The following NUP98 variants were observed in gnomAD, a reference collection of about 807,000 sequenced individuals.
NUP98 encodes the protein nuclear pore complex protein Nup98-Nup96.
In NUP98, 26 loss-of-function variants were observed where a neutral mutation model predicts 191.9. The observed-to-expected ratio is 0.14, with a 90% CI of 0.10 to 0.19. NUP98 has a LOEUF of 0.19. NUP98 is among the 10% of genes least tolerant of loss of function. NUP98 has a pLI of 1.00. For synonymous variants in NUP98, 808 were observed against 778.4 expected (o/e 1.04, Z -0.63); for missense variants, 1,941 against 2,178.8 (o/e 0.89, Z 2.17).
chr11:3,754,833 T>C (rs1421395849), intron 10 of NUP98, among the ~76,000 whole-genome samples: 1 of 150,790 alleles, frequency 6.6e-6, no homozygotes, highest in African/African-American at 2.4e-5. Flanking sequence ...TCCCAACCAC[T>C]TGGGAGGCTG....
chr11:3,745,727 A>G lies in NUP98; in HGVS notation c.1268-1078T>C, dbSNP rs750643201. Reference sequence around the variant, plus strand: ...CCTTAGCCTCTGAGTAGCTGGAACTACAGGCATGCATCACCATGCATGGCT... The same window carrying G: ...CCTTAGCCTCTGAGTAGCTGGAACTGCAGGCATGCATCACCATGCATGGCT... On this transcript the variant is annotated intron_variant, in intron 11 of 32. Coordinates refer to ENST00000324932, the MANE Select transcript of NUP98 (RefSeq NM_016320.5). 3.9e-5 allele frequency among the ~76,000 whole-genome samples: 6 copies of G among 152,292 alleles called. No individual in the cohort carries two copies. In the South Asian group the frequency reaches 1.2e-3, roughly 32 times the overall value.
At chr11:3,772,051 A>G (rs2081548949) in intron 6 of NUP98, 123 bp from the exon 7 acceptor site, 2 of 741,964 alleles carry the variant, frequency 2.7e-6, no homozygotes, top group African/African-American at 3.5e-5. Context: ...ACTAAAAAAG[A>G]GAAAACTAAG....
intron 1 of NUP98, among the ~76,000 whole-genome samples, chr11:3,794,309 C>CTGTTT (rs1053140365): frequency 3.3e-5 from 5 of 151,950 alleles, no homozygotes; most frequent in African/African-American, 7.2e-5. Flanking sequence ...CTAATACATA[C>CTGTTT]TGTTTTGTTT....
At chr11:3,712,421 T>A in intron 20 of NUP98, 143 bp downstream of exon 20, 1 of 1,456,932 alleles carries the variant, frequency 6.9e-7, no homozygotes, top group South Asian at 1.5e-5. Flanking sequence ...ACGCCCTCCC[T>A]TGCACTTGTT....
chr11:3,764,739 C>T (rs1370105508), intron 8 of NUP98, among the ~76,000 whole-genome samples: 3 of 152,188 alleles, frequency 2.0e-5, no homozygotes, highest in Admixed American at 6.5e-5. Context: ...CCACCATGCC[C>T]GGCTAATTTT....
At chr11:3,753,521 T>C in intron 10 of NUP98, 113 bp from the exon 11 acceptor site, 1 of 721,934 alleles carries the variant, frequency 1.4e-6, no homozygotes, top group Non-Finnish European at 2.3e-6. Context: ...TTTCAGTTAA[T>C]ATTTAGGACT....
intron 4 of NUP98, among the ~76,000 whole-genome samples, 180 bp from the exon 5 acceptor site, chr11:3,776,201 A>G (rs1038104389): frequency 6.7e-6 from 1 of 148,880 alleles, no homozygotes; most frequent in Admixed American, 6.8e-5. Flanking sequence ...AGCTCACTGC[A>G]GCCTTGACCT....
Position 3,676,271 on chromosome 11 carries a change from C to T in NUP98, c.5291G>A (p.Arg1764His), listed in dbSNP as rs760987819. Residue 1764 changes from arginine to histidine, a missense_variant, in exon 33 of 33, where the codon CGC becomes CAC. Coordinates refer to ENST00000324932, the MANE Select transcript of NUP98 (RefSeq NM_016320.5). ...CCGGCCAATGTGGGGAGCCAAGAGG[C>T]GCAAAGGGACTCGCTGAGGGTCTGG... Reference protein sequence around the residue: ...STPDPQRVPLRLLAPHIGRLP... With the variant: ...STPDPQRVPLHLLAPHIGRLP... The T allele has an allele frequency of 2.6e-5, 42 of 1,614,082 alleles. No homozygotes were observed. The highest frequency in any genetic ancestry group is 3.5e-5 in the Non-Finnish European group (41 of 1,180,034).
chr11:3,710,544 C>G (rs1277287787), intron 20 of NUP98, among the ~76,000 whole-genome samples: 1 of 152,048 alleles, frequency 6.6e-6, no homozygotes, highest in African/African-American at 2.4e-5. Flanking sequence ...CCTCTCTCCC[C>G]CAAGAAAAAA....
chr11:3,685,931 A>G (rs374128523), intron 29 of NUP98, 42 bp downstream of exon 29: 8 of 1,475,722 alleles, frequency 5.4e-6, no homozygotes, highest in Non-Finnish European at 7.6e-6. Context: ...ATTGCCCTGT[A>G]GTGCTAGATG....
At chr11:3,791,108 G>C (rs999918857) in intron 1 of NUP98, among the ~76,000 whole-genome samples, 6 of 151,852 alleles carry the variant, frequency 4.0e-5, no homozygotes, top group Middle Eastern at 3.2e-3. Context: ...TGTTAGCCAG[G>C]ATGGTCTCGA....
At chr11:3,749,278 G>C (rs528104815) in intron 11 of NUP98, among the ~76,000 whole-genome samples, 2 of 150,032 alleles carry the variant, frequency 1.3e-5, no homozygotes, top group African/African-American at 4.9e-5. Flanking sequence ...ACTGCAGTCC[G>C]CAGTCCGGCC....
In NUP98 at chr11:3,676,269, G is replaced by T; in HGVS notation, c.5293C>A (p.Leu1765Ile). The T allele has an allele frequency of 1.2e-6, 2 of 1,614,210 alleles. No individual in the cohort carries two copies. Among genetic ancestry groups the T allele is most frequent in the Non-Finnish European group, 1.7e-6 (2 of 1,180,046 alleles). The change falls in exon 33 of 33, where the codon CTC becomes ATC. Residue 1765 changes from leucine (L) to isoleucine (I), a missense_variant. By Grantham distance (5) the Leu-to-Ile change is conservative. This residue lies in a region of NUP98 where 1,030 missense variants were observed against 1,115.8 expected (regional missense o/e 0.92). Transcript: ENST00000324932. Reference protein sequence around the residue: ...TPDPQRVPLRLLAPHIGRLPM... With the variant: ...TPDPQRVPLRILAPHIGRLPM... ...AGCCGGCCAATGTGGGGAGCCAAGA[G>T]GCGCAAAGGGACTCGCTGAGGGTCT...
chr11:3,792,817 G>A (rs1049770595), intron 1 of NUP98, among the ~76,000 whole-genome samples: 1 of 152,100 alleles, frequency 6.6e-6, no homozygotes, highest in African/African-American at 2.4e-5. Flanking sequence ...ATACTGTAAT[G>A]AACCTTTAAA....
chr11:3,746,678 C>T (rs547368422), intron 11 of NUP98, among the ~76,000 whole-genome samples: 3 of 151,662 alleles, frequency 2.0e-5, no homozygotes, highest in African/African-American at 4.9e-5. Flanking sequence ...TGTGGGAAGC[C>T]GAGGAGGGCA....
intron 14 of NUP98, among the ~76,000 whole-genome samples, chr11:3,729,382 G>C (rs1181951937): frequency 1.3e-5 from 2 of 151,640 alleles, no homozygotes; most frequent in Non-Finnish European, 2.9e-5. Context: ...TCAAGGAGGA[G>C]GGACAAGATC....
At chr11:3,715,409 A>G (rs1310378264) in intron 18 of NUP98, among the ~76,000 whole-genome samples, 1 of 150,844 alleles carries the variant, frequency 6.6e-6, no homozygotes, top group Non-Finnish European at 1.5e-5. Flanking sequence ...TTGGGATTAT[A>G]GGCGTGAGCC....
At chr11:3,724,789 A>AAAAAAAAAAAAAAAAG (rs1259105482) in intron 15 of NUP98, among the ~76,000 whole-genome samples, 9 of 150,358 alleles carry the variant, frequency 6.0e-5, no homozygotes, top group African/African-American at 2.2e-4. Context: ...TCAAAAAAAA[A>AAAAAAAAAAAAAAAAG]AAAGAAAGAA....
In NUP98 at chr11:3,695,562, G is replaced by C; in HGVS notation, c.4054C>G (p.Gln1352Glu). Reference sequence around the variant, plus strand: ...ATGGTGAGCAGCTCCCGGACTGACTGGCTACCCACAAACTGAGATAAAAGA... The same window carrying C: ...ATGGTGAGCAGCTCCCGGACTGACTCGCTACCCACAAACTGAGATAAAAGA... ...ALLLSQFVGS[Q>E]SVRELLTMQL... is the part of the protein sequence containing the mutation. Residue 1352 changes from glutamine to glutamate, a missense_variant, in exon 26 of 33, where the codon CAG (glutamine) becomes GAG (glutamate). Gln to Glu is a conservative substitution (Grantham distance 29). This residue lies in a region of NUP98 where 1,030 missense variants were observed against 1,115.8 expected (regional missense o/e 0.92). Transcript: ENST00000324932. 1 of 1,603,512 alleles carries C rather than the reference G, an allele frequency of 6.2e-7. No homozygotes were observed. The highest frequency in any genetic ancestry group is 8.5e-7 in the Non-Finnish European group (1 of 1,175,314).
Sources: gnomAD v4.1 joint callset for allele counts (sites outside exome capture counted in the v4.1 genomes callset) on GRCh38, gnomAD v4.1.1 for gene constraint, gnomAD v4.1.1 regional missense constraint, MANE v1.5 for transcripts, NCBI Gene and HGNC (gene_info 2026-07-23, HGNC 2026-07-21) for gene names.